CASK: variants seen among roughly 807,000 people sequenced by gnomAD.
CASK encodes the protein calcium/calmodulin dependent serine protein kinase, also known as peripheral plasma membrane protein CASK.
CASK carries 4 observed loss-of-function variants against 82.9 expected under a neutral mutation model. The observed-to-expected ratio is 0.05, with a 90% CI of 0.02 to 0.11. The LOEUF is 0.11. Ranked by LOEUF, CASK falls within the 10% of genes least tolerant of loss-of-function variation. The pLI is 1.00. For synonymous variants in CASK, 259 were observed against 253.5 expected (o/e 1.02, Z -0.20); for missense variants, 358 against 720.9 (o/e 0.50, Z 5.76).
At chrX:41,916,074 G>A (rs1445086984) in intron 1 of CASK, among the ~76,000 whole-genome samples, 9 of 110,734 alleles carry the variant, frequency 8.1e-5, no homozygotes, top group Non-Finnish European at 1.7e-4. Context: ...CTTGTTGGGA[G>A]GCTGAGGCAA....
intron 3 of CASK, among the ~76,000 whole-genome samples, chrX:41,751,253 T>A (rs914277200): frequency 3.6e-5 from 4 of 110,479 alleles, no homozygotes; most frequent in African/African-American, 1.3e-4. Flanking sequence ...TGGCTAATTT[T>A]TTTATTTTTA....
intron 11 of CASK, among the ~76,000 whole-genome samples, chrX:41,612,221 C>G (rs2066074574): frequency 9.2e-6 from 1 of 108,883 alleles, no homozygotes; most frequent in Non-Finnish European, 1.9e-5. Flanking sequence ...TGAGGAGCAT[C>G]TCTGCCCCGC....
At chrX:41,619,736 C>T (rs2066257666) in intron 11 of CASK, among the ~76,000 whole-genome samples, 1 of 111,838 alleles carries the variant, frequency 8.9e-6, no homozygotes, top group Non-Finnish European at 1.9e-5. Flanking sequence ...AAAAAGTTCT[C>T]AGTGTTAAAG....
chrX:41,873,190 T>A (rs561507638), intron 1 of CASK, among the ~76,000 whole-genome samples: 11 of 106,634 alleles, frequency 1.0e-4, no homozygotes, highest in Admixed American at 1.0e-3. Flanking sequence ...TAGTAGTCAG[T>A]ATTTTTGACC....
chrX:41,547,023 C>T (rs2065032237), intron 21 of CASK, among the ~76,000 whole-genome samples: 1 of 111,122 alleles, frequency 9.0e-6, no homozygotes, highest in Non-Finnish European at 1.9e-5. Context: ...CTCCGCCTCC[C>T]GGGTTCCAGC....
chrX:41,696,362 G>A, intron 5 of CASK: 1 of 1,173,608 alleles, frequency 8.5e-7, no homozygotes. Context: ...AGATTGGGAA[G>A]AATCTATTGA....
intron 25 of CASK, among the ~76,000 whole-genome samples, chrX:41,527,193 CAGAG>C (rs35002329): frequency 9.3e-6 from 1 of 108,065 alleles, no homozygotes; most frequent in Non-Finnish European, 1.9e-5. Context: ...GAGACGGGGA[CAGAG>C]AGAGAGACAG....
chrX:41,682,611 T>A (rs1299065776), intron 5 of CASK, among the ~76,000 whole-genome samples: 2 of 90,398 alleles, frequency 2.2e-5, no homozygotes, highest in African/African-American at 8.0e-5. Flanking sequence ...GTTTGATAAA[T>A]TTTTTTTTTT....
In CASK at chrX:41,590,486, G is replaced by A. The variant is rs191724138; in HGVS notation, c.1156-894C>T. 3.5e-3 allele frequency among the ~76,000 whole-genome samples: 332 copies of A among 94,872 alleles called. 1 individual carries two copies. The highest frequency in any genetic ancestry group is 0.013 in the African/African-American group (323 of 25,494). 82.4% of individuals were successfully genotyped at this position (94,872 alleles called of 115,157 possible). A position where few individuals can be genotyped will look rare whatever the true frequency, so the allele number is the denominator to read the frequency against. ...GATCACACCATTGCACTCCAGCCTG[G>A]GCGACAGAGCGAGATTCCGTCTCCA... On this transcript the variant is annotated intron_variant, in intron 12 of 26. Coordinates refer to ENST00000378163, the MANE Select transcript of CASK (RefSeq NM_001367721.1).
chrX:41,546,920 A>AT (rs1015981695), intron 21 of CASK, among the ~76,000 whole-genome samples: 5 of 110,495 alleles, frequency 4.5e-5, no homozygotes, highest in African/African-American at 6.6e-5. Flanking sequence ...AGCTTATTTT[A>AT]TTTTTTTATT....
intron 14 of CASK, chrX:41,584,613 C>T (rs2065631038): frequency 9.0e-6 from 1 of 111,491 alleles, no homozygotes; most frequent in African/African-American, 3.3e-5. Flanking sequence ...AGGGTTCCCA[C>T]TCCTATGAGG....
intron 1 of CASK, among the ~76,000 whole-genome samples, chrX:41,906,515 C>T (rs762437227): frequency 6.2e-5 from 7 of 112,498 alleles, no homozygotes; most frequent in African/African-American, 9.7e-5. Flanking sequence ...AACTTTTCTA[C>T]AGCAGTTGCT....
At chrX:41,521,561 A>G (rs1452162929) in intron 26 of CASK, among the ~76,000 whole-genome samples, 2 of 111,981 alleles carry the variant, frequency 1.8e-5, no homozygotes, top group African/African-American at 6.5e-5. Context: ...CTTCTGCTAC[A>G]GAGTGGCAGT....
At chrX:41,538,455 T>C (rs2064905731) in intron 22 of CASK, among the ~76,000 whole-genome samples, 2 of 111,929 alleles carry the variant, frequency 1.8e-5, no homozygotes, top group African/African-American at 6.5e-5. Context: ...TCCTGGGGGC[T>C]GAGGAATCTC....
intron 3 of CASK, among the ~76,000 whole-genome samples, chrX:41,752,197 A>G (rs2068807105): frequency 8.9e-6 from 1 of 112,374 alleles, no homozygotes; most frequent in African/African-American, 3.2e-5. Flanking sequence ...AAATAAATTA[A>G]CAAAATAACT....
At chrX:41,905,396 T>C (rs1296673738) in intron 1 of CASK, among the ~76,000 whole-genome samples, 3 of 112,156 alleles carry the variant, frequency 2.7e-5, no homozygotes, top group East Asian at 5.5e-4. Flanking sequence ...TGCCAACCCT[T>C]GTTATTGTCT....
intron 5 of CASK, among the ~76,000 whole-genome samples, chrX:41,715,264 G>A (rs2068040457): frequency 8.9e-6 from 1 of 112,098 alleles, no homozygotes; most frequent in Admixed American, 9.4e-5. Flanking sequence ...CCCATATGGA[G>A]AATGGCCCTA....
intron 2 of CASK, among the ~76,000 whole-genome samples, chrX:41,802,820 G>A (rs778161815): frequency 2.7e-5 from 3 of 111,458 alleles, no homozygotes; most frequent in Non-Finnish European, 5.6e-5. Flanking sequence ...CTGGTTAAGT[G>A]TGATATGAAC....
chrX:41,720,578 T>C (rs753862024), intron 5 of CASK, among the ~76,000 whole-genome samples: 6 of 112,253 alleles, frequency 5.3e-5, no homozygotes, highest in African/African-American at 1.3e-4. Flanking sequence ...GAGCTCCTGA[T>C]TGGTTAGTGA....
Sources: gnomAD v4.1 joint callset for allele counts (sites outside exome capture counted in the v4.1 genomes callset) on GRCh38, gnomAD v4.1.1 for gene constraint, MANE v1.5 for transcripts, NCBI Gene and HGNC (gene_info 2026-07-23, HGNC 2026-07-21) for gene names.